Variants in RB1CC1 observed in about 807,000 individuals in gnomAD.
The protein encoded by RB1CC1 is RB1-inducible coiled-coil protein 1.
In RB1CC1, 46 loss-of-function variants were observed where a neutral mutation model predicts 177.5. That is an observed-to-expected ratio of 0.26 (90% CI 0.20 to 0.33). RB1CC1 has a LOEUF of 0.33. RB1CC1 is among the 10% of genes least tolerant of loss of function. The pLI is 1.00. For missense variants in RB1CC1, 1,703 were observed against 1,816.3 expected (o/e 0.94, Z 1.13); for synonymous variants, 666 against 613.6 (o/e 1.09, Z -1.26).
In RB1CC1 at chr8:52,642,963, A is replaced by G. The variant is rs1010023715; in HGVS notation, c.3988-151T>C. ...TGAAATGTTTTAAAAATGAAAATGT[A>G]ACATACTGTGGCAAAGGTTCTACTT... On this transcript the variant is annotated intron_variant, in intron 16 of 23. Transcript: ENST00000025008. 1.1e-5 allele frequency: 10 copies of G among 903,206 alleles called. No homozygotes were observed. In the East Asian group the frequency reaches 2.9e-4, roughly 26 times the overall value. The allele number at this position is 903,206 out of a possible 1,614,324, so 55.9% of individuals were successfully genotyped here.
At chr8:52,686,636 G>C (rs1251439244) in intron 2 of RB1CC1, among the ~76,000 whole-genome samples, 1 of 152,062 alleles carries the variant, frequency 6.6e-6, no homozygotes, top group Non-Finnish European at 1.5e-5. Context: ...AACAAATGGA[G>C]GAAAAGATCC....
chr8:52,713,624 T>C (rs1857240174), intron 1 of RB1CC1, among the ~76,000 whole-genome samples: 1 of 152,078 alleles, frequency 6.6e-6, no homozygotes, highest in Admixed American at 6.5e-5. Flanking sequence ...GTTTCTCGAG[T>C]CCAACACAGA....
chr8:52,627,453 G>C (rs1400757104), intron 22 of RB1CC1, among the ~76,000 whole-genome samples: 1 of 152,160 alleles, frequency 6.6e-6, no homozygotes, highest in Non-Finnish European at 1.5e-5. Flanking sequence ...CTTCGTTTTA[G>C]TGTTAAAAAT....
intron 19 of RB1CC1, 55 bp from the exon 20 acceptor site, chr8:52,635,023 C>G: frequency 6.8e-7 from 1 of 1,473,608 alleles, no homozygotes; most frequent in Non-Finnish European, 9.3e-7. Flanking sequence ...TCAAATAAAT[C>G]TAAACAGTGA....
intron 1 of RB1CC1, among the ~76,000 whole-genome samples, chr8:52,695,679 G>A (rs924185790): frequency 6.6e-5 from 10 of 152,346 alleles, no homozygotes; most frequent in African/African-American, 1.9e-4. Flanking sequence ...ATACTGTCAC[G>A]CGTTGTGGCC....
At chr8:52,687,249 G>C (rs781119771) in intron 1 of RB1CC1, among the ~76,000 whole-genome samples, 28 of 152,154 alleles carry the variant, frequency 1.8e-4, no homozygotes, top group Non-Finnish European at 3.4e-4. Context: ...AGTGGAGTTA[G>C]AAAGCTTGGG....
chr8:52,642,667 TA>T, intron 17 of RB1CC1, 36 bp downstream of exon 17: 1 of 1,570,858 alleles, frequency 6.4e-7, no homozygotes, highest in Non-Finnish European at 8.6e-7. Context: ...TTTTCCACTT[TA>T]AAAAATTAAA....
chr8:52,658,082 T>C lies in RB1CC1; in HGVS notation c.1836A>G (p.Val612=), dbSNP rs376615804. The C allele has an allele frequency of 1.2e-6, 2 of 1,613,974 alleles. No individual in the cohort carries two copies. Among genetic ancestry groups the C allele is most frequent in the South Asian group, 2.2e-5 (2 of 91,078 alleles). The change falls in exon 14 of 24, where the codon GTA becomes GTG. Residue 612 remains valine, a synonymous_variant. Coordinates refer to ENST00000025008, the MANE Select transcript of RB1CC1 (RefSeq NM_014781.5). The part of the protein sequence containing the change: ...LCDFEPLHQH[V]LALHNLVKAA... The stretch of plus-strand genomic sequence containing the variant: ...CTTTTACCAAATTATGTAGAGCAAG[T>C]ACATGCTGGTGTAGAGGTTCAAAGT...
chr8:52,630,031 CAG>C (rs1237924017), intron 21 of RB1CC1, among the ~76,000 whole-genome samples: 1 of 152,100 alleles, frequency 6.6e-6, no homozygotes, highest in African/African-American at 2.4e-5. Context: ...AAATATTTTA[CAG>C]AGTTTGACTT....
chr8:52,637,602 T>C (rs1044158427), intron 18 of RB1CC1, among the ~76,000 whole-genome samples: 2 of 152,168 alleles, frequency 1.3e-5, no homozygotes, highest in African/African-American at 4.8e-5. Flanking sequence ...ATTTTCTCAA[T>C]AAAAGATCAG....
rs1848189009 is a variant in RB1CC1 at position 52,623,641 on chromosome 8, G to A, written c.*141C>T. 5 of 685,498 alleles carry A rather than the reference G, an allele frequency of 7.3e-6. No individual in the cohort carries two copies. The highest frequency in any genetic ancestry group is 1.3e-5 in the Non-Finnish European group (5 of 370,746). 42.5% of individuals were successfully genotyped at this position (685,498 alleles called of 1,614,324 possible). ...TTCCTAAAATGAAGCCAGTTAAAAA[G>A]TAAACGATGTACACCAGTGAAGTAT... On this transcript the variant is annotated 3_prime_UTR_variant, in exon 24 of 24. Coordinates refer to ENST00000025008, the MANE Select transcript of RB1CC1 (RefSeq NM_014781.5).
intron 1 of RB1CC1, among the ~76,000 whole-genome samples, chr8:52,699,546 C>T (rs913710077): frequency 2.7e-5 from 4 of 150,734 alleles, no homozygotes; most frequent in Admixed American, 6.6e-5. Flanking sequence ...TGGTGGCTCA[C>T]GCCTGTAATC....
At chr8:52,626,339 A>G (rs1319041717) in intron 22 of RB1CC1, among the ~76,000 whole-genome samples, 1 of 152,208 alleles carries the variant, frequency 6.6e-6, no homozygotes, top group Non-Finnish European at 1.5e-5. Flanking sequence ...CATTTTTAAA[A>G]AAGTTTTTTA....
chr8:52,656,299 A>G lies in RB1CC1; in HGVS notation c.3530T>C (p.Ile1177Thr), dbSNP rs751515257. The G allele has an allele frequency of 3.1e-6, 5 of 1,613,068 alleles. No individual in the cohort carries two copies. In the African/African-American group the frequency reaches 5.3e-5, roughly 17 times the overall value. The change falls in exon 15 of 24, where the codon ATT becomes ACT. Residue 1177 changes from isoleucine to threonine, a missense_variant. By Grantham distance (89) the Ile-to-Thr change is moderately conservative (BLOSUM62 -1). This residue lies in a region of RB1CC1 where 1,169 missense variants were observed against 1,184.7 expected (regional missense o/e 0.99). Coordinates refer to ENST00000025008, the MANE Select transcript of RB1CC1 (RefSeq NM_014781.5). Reference protein sequence around the residue: ...EIEKNLKEQIIELQSKLDSEL... With the variant: ...EIEKNLKEQITELQSKLDSEL... ...TGAATCCAATTTACTCTGCAGTTCA[A>G]TTATTTGTTCTTTTAGGTTTTTTTC...
intron 18 of RB1CC1, among the ~76,000 whole-genome samples, chr8:52,641,384 CA>C (rs33912526): frequency 0.26 from 24,962 of 97,012 alleles, 1,916 homozygotes; most frequent in South Asian, 0.35. Context: ...GACTTCATCT[CA>C]AAAAAAAAAA....
chr8:52,634,598 T>G (rs922126088), intron 20 of RB1CC1, among the ~76,000 whole-genome samples: 2 of 152,128 alleles, frequency 1.3e-5, no homozygotes, highest in African/African-American at 4.8e-5. Context: ...TTCAAAAGAC[T>G]TATGAAACAT....
At chr8:52,683,200 A>C (rs575100196) in intron 5 of RB1CC1, among the ~76,000 whole-genome samples, 1 of 152,306 alleles carries the variant, frequency 6.6e-6, no homozygotes, top group South Asian at 2.1e-4. Flanking sequence ...AATATGGAAA[A>C]AATAAATACA....
intron 5 of RB1CC1, among the ~76,000 whole-genome samples, chr8:52,680,139 T>C (rs865862897): frequency 2.6e-5 from 4 of 151,884 alleles, no homozygotes; most frequent in Non-Finnish European, 1.5e-5. Flanking sequence ...CCTAATTTAG[T>C]GTAGAAAAAA....
At chr8:52,683,416 T>C in intron 5 of RB1CC1, 133 bp downstream of exon 5, 8 of 782,212 alleles carry the variant, frequency 1.0e-5, no homozygotes, top group East Asian at 3.2e-5. Context: ...AAACTAGATA[T>C]ATTAACCGGA....
Sources: gnomAD v4.1 joint callset for allele counts (sites outside exome capture counted in the v4.1 genomes callset) on GRCh38, gnomAD v4.1.1 for gene constraint, gnomAD v4.1.1 regional missense constraint, MANE v1.5 for transcripts, NCBI Gene and HGNC (gene_info 2026-07-23, HGNC 2026-07-21) for gene names.